Variants in SLC9B1 observed in about 807,000 individuals in gnomAD.
The protein encoded by SLC9B1 is solute carrier family 9 member B1.
Under a neutral mutation model 51.7 loss-of-function variants are expected in SLC9B1, and 32 were observed. The ratio of observed to expected loss-of-function variants is 0.62; its 90% CI spans 0.47 to 0.83. The LOEUF (loss-of-function observed/expected upper bound fraction) is 0.83. Ranked by LOEUF, SLC9B1 falls within the 40% of genes least tolerant of loss-of-function variation. The probability of loss-of-function intolerance (pLI) is 0.00; values close to 1 mark genes in which losing one functional copy is unlikely to be tolerated. For synonymous variants in SLC9B1, 145 were observed against 212.7 expected, an observed-to-expected ratio of 0.68 and a Z score of 2.77; for missense variants, 406 against 613.2, an observed-to-expected ratio of 0.66 and a Z score of 3.57.
At chr4:102,941,183 C>A (rs183223401) in intron 6 of SLC9B1, among the ~76,000 whole-genome samples, 201 of 152,162 alleles carry the variant, frequency 1.3e-3, no homozygotes, top group Admixed American at 2.3e-3. Context: ...AGGGCTTCTG[C>A]ACAGCAAAGG....
At chr4:102,986,727 G>C (rs549668140) in intron 3 of SLC9B1, among the ~76,000 whole-genome samples, 1 of 152,028 alleles carries the variant, frequency 6.6e-6, no homozygotes, top group Non-Finnish European at 1.5e-5. Context: ...TCTCAAGCCC[G>C]GAGATTCTTT....
chr4:102,946,389 C>T (rs1200217727), intron 5 of SLC9B1, among the ~76,000 whole-genome samples: 1 of 152,142 alleles, frequency 6.6e-6, no homozygotes, highest in East Asian at 1.9e-4. Context: ...CAGCTCACTG[C>T]AACCTCCGTC....
intron 6 of SLC9B1, among the ~76,000 whole-genome samples, chr4:102,944,931 A>G (rs1484900552): frequency 6.6e-6 from 1 of 152,168 alleles, no homozygotes. Context: ...ACATACAGAT[A>G]TGTTATAATA....
At chr4:102,985,994 G>T (rs1739597570) in intron 3 of SLC9B1, among the ~76,000 whole-genome samples, 2 of 151,878 alleles carry the variant, frequency 1.3e-5, no homozygotes, top group South Asian at 4.1e-4. Context: ...TGAACAAATT[G>T]TTATCTATTA....
In SLC9B1 at chr4:102,968,155, T is replaced by G. The variant is rs190007918; in HGVS notation, c.212-18728A>C. Among the ~76,000 whole-genome samples, 357 of 152,318 alleles carry G rather than the reference T, an allele frequency of 2.3e-3. 2 individuals are homozygous for G. The highest frequency in any genetic ancestry group is 4.1e-3 in the Admixed American group (62 of 15,300). On this transcript the variant is annotated intron_variant, in intron 3 of 11. Transcript: ENST00000296422. Reference sequence around the variant, plus strand: ...AGTGTAGAATCCACATTAAGAGAGATAGATAGATCAATGGAACTAAGTGGA... The same window carrying G: ...AGTGTAGAATCCACATTAAGAGAGAGAGATAGATCAATGGAACTAAGTGGA...
intron 3 of SLC9B1, among the ~76,000 whole-genome samples, chr4:102,958,697 C>A (rs80043517): frequency 6.6e-6 from 1 of 151,988 alleles, no homozygotes; most frequent in Non-Finnish European, 1.5e-5. Flanking sequence ...CCGTGGTGGG[C>A]GGATCACAAG....
Position 102,906,660 on chromosome 4 carries a change from A to G in SLC9B1, c.1087-16T>C. The G allele has an allele frequency of 7.2e-7, 1 of 1,389,908 alleles. No homozygotes were observed. The allele number at this position is 1,389,908 out of a possible 1,614,324, so 86.1% of individuals were successfully genotyped here. A position where few individuals can be genotyped will look rare whatever the true frequency, so the allele number is the denominator to read the frequency against. ...GGACTTTCATCTATAGAAAAGAGAA[A>G]TACATTTATAATGATTTTGGCACAT... On this transcript the variant is annotated splice_polypyrimidine_tract_variant and intron_variant, in intron 9 of 11. Transcript: ENST00000296422.
intron 1 of SLC9B1, among the ~76,000 whole-genome samples, chr4:103,009,836 A>G (rs572899516): frequency 3.2e-4 from 49 of 152,324 alleles, no homozygotes; most frequent in African/African-American, 1.2e-3. Context: ...CACAGTATAC[A>G]TCTTTCTGAA....
intron 1 of SLC9B1, among the ~76,000 whole-genome samples, chr4:103,002,731 G>C (rs954446653): frequency 6.6e-6 from 1 of 152,190 alleles, no homozygotes; most frequent in Non-Finnish European, 1.5e-5. Context: ...CATTGCCTCT[G>C]AGCAGCCCTA....
At chr4:103,012,645 T>G (rs1440340063) in intron 1 of SLC9B1, among the ~76,000 whole-genome samples, 1 of 152,250 alleles carries the variant, frequency 6.6e-6, no homozygotes, top group East Asian at 1.9e-4. Flanking sequence ...TTCCTGCTGC[T>G]ATGCCAAAAT....
intron 1 of SLC9B1, among the ~76,000 whole-genome samples, chr4:103,018,931 A>T (rs949585669): frequency 6.6e-6 from 1 of 152,220 alleles, no homozygotes; most frequent in African/African-American, 2.4e-5. Context: ...ATAGGAGCAC[A>T]GACCTGATTA....
At position 102,905,617 on chromosome 4, in the gene SLC9B1, C is replaced by T. The variant is rs1171151766; in HGVS notation, c.1229G>A (p.Cys410Tyr). The T allele has an allele frequency of 3.7e-6, 6 of 1,611,278 alleles. No individual in the cohort carries two copies. The African/African-American group carries it at 5.3e-5, about 14-fold the overall frequency. The stretch of plus-strand genomic sequence containing the variant: ...TAGATATGTGGTTAAAATTCGAACA[C>T]ATAATGCCAAACTTAGAGTGGCAAC... ...ISVATLSLAL[C>Y]VRILTTYLLM... The change falls in exon 11 of 12, where the codon TGT (cysteine) becomes TAT (tyrosine). Residue 410 changes from cysteine to tyrosine, a missense_variant. By Grantham distance (194) the Cys-to-Tyr change is radical. Coordinates refer to ENST00000296422, the MANE Select transcript of SLC9B1 (RefSeq NM_139173.4).
chr4:102,909,770 C>T (rs1375750401), intron 9 of SLC9B1, among the ~76,000 whole-genome samples: 1 of 152,272 alleles, frequency 6.6e-6, no homozygotes, highest in Non-Finnish European at 1.5e-5. Context: ...ACATTTTATT[C>T]TATATGTTTT....
intron 1 of SLC9B1, among the ~76,000 whole-genome samples, chr4:103,003,245 T>C (rs1022485628): frequency 6.6e-6 from 1 of 152,182 alleles, no homozygotes; most frequent in African/African-American, 2.4e-5. Context: ...TCATCTGAAA[T>C]GCTCTATTAT....
downstream of SLC9B1, among the ~76,000 whole-genome samples, chr4:102,899,199 T>C (rs1486799056): frequency 6.6e-6 from 1 of 151,106 alleles, no homozygotes; most frequent in African/African-American, 2.4e-5. Flanking sequence ...AGGGCGACTA[T>C]TTCAGTATAA....
chr4:102,996,846 A>T (rs892475336), intron 1 of SLC9B1, among the ~76,000 whole-genome samples: 5 of 151,886 alleles, frequency 3.3e-5, no homozygotes, highest in Admixed American at 3.3e-4. Context: ...GAGTGCAGTG[A>T]CACAATAATA....
chr4:102,978,719 G>C (rs924354191), intron 3 of SLC9B1, among the ~76,000 whole-genome samples: 2 of 152,154 alleles, frequency 1.3e-5, no homozygotes, highest in Non-Finnish European at 2.9e-5. Context: ...GTTGGTGGGA[G>C]TGTAAACTAG....
chr4:102,909,692 T>C (rs1185678084), intron 9 of SLC9B1, among the ~76,000 whole-genome samples: 33 of 143,544 alleles, frequency 2.3e-4, no homozygotes, highest in South Asian at 9.1e-4. Context: ...ATAAATAGAA[T>C]ACTGGTTACT....
At chr4:102,921,379 C>A (rs528000932) in intron 7 of SLC9B1, among the ~76,000 whole-genome samples, 4 of 152,260 alleles carry the variant, frequency 2.6e-5, no homozygotes, top group Non-Finnish European at 5.9e-5. Context: ...TTTGTCACCA[C>A]CAGGCCTGCC....
Sources: gnomAD v4.1 joint callset for allele counts (sites outside exome capture counted in the v4.1 genomes callset) on GRCh38, gnomAD v4.1.1 for gene constraint, MANE v1.5 for transcripts, NCBI Gene and HGNC (gene_info 2026-07-23, HGNC 2026-07-21) for gene names.